The following MAP3K15 variants were observed in gnomAD, a reference collection of about 807,000 sequenced individuals.
MAP3K15 encodes the protein mitogen-activated protein kinase kinase kinase 15.
MAP3K15 carries 124 observed loss-of-function variants against 99.5 expected under a neutral mutation model. The ratio of observed to expected loss-of-function variants is 1.25; its 90% CI spans 1.08 to 1.45. The LOEUF is 1.45. Among genes scored for constraint, MAP3K15 ranks in the 40% most tolerant of loss-of-function variants. The pLI, the probability that MAP3K15 is intolerant of heterozygous loss-of-function variation, is 0.00. For synonymous variants in MAP3K15, 494 were observed against 439.6 expected (o/e 1.12, Z -1.55); for missense variants, 1,242 against 1,079.7 (o/e 1.15, Z -2.11).
At chrX:19,482,765 C>T (rs1350644418) in intron 3 of MAP3K15, among the ~76,000 whole-genome samples, 1 of 110,836 alleles carries the variant, frequency 9.0e-6, no homozygotes, top group Non-Finnish European at 1.9e-5. Context: ...ATTATACCTA[C>T]ATAAAGCATT....
intron 13 of MAP3K15, among the ~76,000 whole-genome samples, chrX:19,402,103 C>T (rs1269630733): frequency 9.4e-6 from 1 of 106,261 alleles, no homozygotes; most frequent in Non-Finnish European, 1.9e-5. Context: ...ACCTGGGCAA[C>T]GTGGCCGAAA....
intron 15 of MAP3K15, among the ~76,000 whole-genome samples, chrX:19,396,205 G>C: frequency 9.0e-6 from 1 of 111,581 alleles, no homozygotes; most frequent in Non-Finnish European, 1.9e-5. Flanking sequence ...ATCACCTTTC[G>C]GTCCCCAGTG....
intron 14 of MAP3K15, among the ~76,000 whole-genome samples, chrX:19,399,614 G>A (rs1045009614): frequency 9.2e-6 from 1 of 108,222 alleles, no homozygotes; most frequent in African/African-American, 3.4e-5. Flanking sequence ...GGTGCCTGTA[G>A]TCCCAGCTAC....
intron 16 of MAP3K15, among the ~76,000 whole-genome samples, chrX:19,394,560 C>T (rs2063551669): frequency 9.0e-6 from 1 of 111,153 alleles, no homozygotes; most frequent in Admixed American, 9.6e-5. Context: ...TATCAAAATG[C>T]TATTTTGCAC....
chrX:19,440,161 CT>C (rs2063949553), intron 6 of MAP3K15, among the ~76,000 whole-genome samples: 1 of 112,215 alleles, frequency 8.9e-6, no homozygotes, highest in Non-Finnish European at 1.9e-5. Context: ...AACATCACCT[CT>C]TCCCTGGGTC....
At chrX:19,420,330 T>C (rs796395054) in intron 9 of MAP3K15, among the ~76,000 whole-genome samples, 2 of 110,817 alleles carry the variant, frequency 1.8e-5, no homozygotes, top group African/African-American at 6.6e-5. Flanking sequence ...ATCAAACAGA[T>C]GCAATAAAAA....
rs753198631 is a variant in MAP3K15, at chrX:19,431,536, C to T, written c.1068G>A (p.Pro356=). The part of the protein sequence containing the change: ...MLQVLQSCDH[P]GPDMFCLCGR... ...CACACAGGCAGAACATGTCGGGGCC[C>T]GGGTGATCACAGCTCTGCAGAACCT... The change falls in exon 7 of 29, where the codon CCG becomes CCA. Residue 356 remains proline (P), a synonymous_variant. Transcript: ENST00000338883. 8 of 1,199,499 alleles carry T rather than the reference C, an allele frequency of 6.7e-6. No individual in the cohort carries two copies. Among genetic ancestry groups the T allele is most frequent in the Non-Finnish European group, 8.9e-6 (8 of 894,564 alleles).
At chrX:19,415,015 T>C in intron 10 of MAP3K15, 92 bp downstream of exon 10, 1 of 784,074 alleles carries the variant, frequency 1.3e-6, no homozygotes, top group Admixed American at 4.2e-5. Context: ...TACTCTACAG[T>C]TTTCTTCAGT....
rs1054922662 is a variant in MAP3K15, at chrX:19,360,523, T to C, written c.*226A>G. ...GTGAATTTCCTAATATTCCGGGAGG[T>C]CAAAACCAAGGCTCACTGTTTTCAC... is the stretch of plus-strand genomic sequence containing the variant. On this transcript the variant is annotated 3_prime_UTR_variant, in exon 29 of 29. Transcript: ENST00000338883. 3 of 314,748 alleles carry C rather than the reference T, an allele frequency of 9.5e-6. No individual in the cohort carries two copies. The highest frequency in any genetic ancestry group is 8.3e-5 in the African/African-American group (3 of 36,104). The allele number at this position is 314,748 out of a possible 1,213,427, so 25.9% of individuals were successfully genotyped here.
At chrX:19,402,462 A>C (rs900307209) in intron 13 of MAP3K15, among the ~76,000 whole-genome samples, 1 of 110,128 alleles carries the variant, frequency 9.1e-6, no homozygotes, top group Non-Finnish European at 1.9e-5. Flanking sequence ...CCAGTAATCC[A>C]CTCCTAGATA....
chrX:19,415,824 C>T lies in MAP3K15; in HGVS notation c.1440-567G>A, dbSNP rs1264446235. Among the ~76,000 whole-genome samples the T allele has an allele frequency of 2.7e-5, 3 of 111,851 alleles. No individual in the cohort carries two copies. The Admixed American group carries it at 2.9e-4, about 11-fold the overall frequency. On this transcript the variant is annotated intron_variant, in intron 9 of 28. Transcript: ENST00000338883. ...ACCCAACATATATACAAATCTCTTACAAAAAGTTAAAATGTACCAAAACTT... is the reference window on the plus strand; with the variant it reads ...ACCCAACATATATACAAATCTCTTATAAAAAGTTAAAATGTACCAAAACTT...
At chrX:19,487,001 A>G (rs2064331315) in intron 2 of MAP3K15, among the ~76,000 whole-genome samples, 1 of 109,904 alleles carries the variant, frequency 9.1e-6, no homozygotes, top group South Asian at 4.0e-4. Flanking sequence ...TGGTAGTAGA[A>G]TTCCTGACAC....
Position 19,464,254 on chromosome X carries a change from G to A in MAP3K15, c.678C>T (p.Asp226=). 8.3e-7 allele frequency: 1 copy of A among 1,200,138 alleles called. No individual in the cohort carries two copies. The highest frequency in any genetic ancestry group is 1.1e-6 in the Non-Finnish European group (1 of 895,127). The change falls in exon 4 of 29, where the codon GAC becomes GAT. Residue 226 remains aspartate (D), a synonymous_variant. Transcript: ENST00000338883. The part of the protein sequence containing the change: ...ILGPLCMPLV[D]RFISLLKDIH... ...TGTCCTTAAGGAGGCTAATGAACCT[G>A]TCCACCAAAGGCATGCACAGCGGGC...
intron 7 of MAP3K15, among the ~76,000 whole-genome samples, chrX:19,430,413 G>C (rs1326953041): frequency 8.9e-6 from 1 of 111,745 alleles, no homozygotes; most frequent in Non-Finnish European, 1.9e-5. Context: ...CCCTACAGCT[G>C]ACTTCAGTTT....
chrX:19,406,134 C>T (rs1467810650), intron 13 of MAP3K15, among the ~76,000 whole-genome samples: 1 of 111,558 alleles, frequency 9.0e-6, no homozygotes, highest in East Asian at 2.8e-4. Flanking sequence ...AAATTGGAAG[C>T]CACATACATT....
At chrX:19,401,555 A>T (rs1306886601) in intron 13 of MAP3K15, among the ~76,000 whole-genome samples, 1 of 111,558 alleles carries the variant, frequency 9.0e-6, no homozygotes, top group Non-Finnish European at 1.9e-5. Context: ...ATCAATGCTA[A>T]GGATAGGGGG....
At chrX:19,434,178 A>T (rs2063905259) in intron 6 of MAP3K15, among the ~76,000 whole-genome samples, 1 of 111,434 alleles carries the variant, frequency 9.0e-6, no homozygotes, top group Non-Finnish European at 1.9e-5. Context: ...ATTAATAACC[A>T]TTCTAATAAG....
At chrX:19,493,585 T>C (rs756337721) in intron 1 of MAP3K15, among the ~76,000 whole-genome samples, 1 of 111,642 alleles carries the variant, frequency 9.0e-6, no homozygotes, top group South Asian at 3.7e-4. Flanking sequence ...ACTTTTATTC[T>C]ATACAAAGAA....
chrX:19,477,183 A>T (rs1268603727), intron 3 of MAP3K15, among the ~76,000 whole-genome samples: 1 of 111,515 alleles, frequency 9.0e-6, no homozygotes, highest in African/African-American at 3.3e-5. Flanking sequence ...ATTAAATATG[A>T]ATAATTTGGT....
Sources: allele counts gnomAD v4.1 joint callset (sites outside exome capture counted in the v4.1 genomes callset), GRCh38; gene constraint gnomAD v4.1.1; transcripts MANE v1.5; gene names NCBI Gene and HGNC (gene_info 2026-07-23, HGNC 2026-07-21).